OSBPL10: variants seen among roughly 807,000 people sequenced by gnomAD.
OSBPL10 encodes the protein oxysterol binding protein like 10.
A neutral mutation model predicts 81.7 loss-of-function variants in OSBPL10; 49 were observed. The ratio of observed to expected loss-of-function variants is 0.60; its 90% CI spans 0.48 to 0.76. OSBPL10 has a LOEUF of 0.76. Ranked by LOEUF, OSBPL10 falls within the 30% of genes least tolerant of loss-of-function variation. The probability of loss-of-function intolerance (pLI) is 0.00; values close to 1 mark genes in which losing one functional copy is unlikely to be tolerated. For missense variants in OSBPL10, 923 were observed against 987.8 expected (o/e 0.93, Z 0.88); for synonymous variants, 419 against 383.6 (o/e 1.09, Z -1.08).
intron 4 of OSBPL10, among the ~76,000 whole-genome samples, chr3:31,820,324 C>T (rs957087425): frequency 6.6e-6 from 1 of 152,006 alleles, no homozygotes; most frequent in African/African-American, 2.4e-5. Context: ...CAGCTGGGCA[C>T]GGTGGCTCAC....
intron 6 of OSBPL10, among the ~76,000 whole-genome samples, chr3:31,711,834 A>G (rs1424986384): frequency 6.6e-6 from 1 of 152,226 alleles, no homozygotes; most frequent in Non-Finnish European, 1.5e-5. Flanking sequence ...TACAATTTAA[A>G]TGGATAAATT....
chr3:31,953,065 G>A (rs1480932561), intron 1 of OSBPL10, among the ~76,000 whole-genome samples: 1 of 151,104 alleles, frequency 6.6e-6, no homozygotes, highest in Non-Finnish European at 1.5e-5. Context: ...CTGAGTAGCT[G>A]GGATTACAGG....
chr3:31,970,333 C>T (rs560174639), intron 1 of OSBPL10, among the ~76,000 whole-genome samples: 5 of 152,194 alleles, frequency 3.3e-5, no homozygotes, highest in Non-Finnish European at 5.9e-5. Context: ...GTCTCCATGG[C>T]CTTCATCCCA....
At chr3:32,072,032 C>T (rs1281067857) in intron 1 of OSBPL10, among the ~76,000 whole-genome samples, 1 of 152,150 alleles carries the variant, frequency 6.6e-6, no homozygotes, top group Non-Finnish European at 1.5e-5. Context: ...CCACTCTGCC[C>T]CCCTCTACTA....
At chr3:31,981,399 C>T, upstream of OSBPL10, 1 of 742,168 alleles carries the variant, frequency 1.3e-6, no homozygotes, top group Non-Finnish European at 1.8e-6. This position sits in a 1 kb window ranked among gnomAD's most constrained non-coding sequence, Gnocchi z 4.5. Context: ...CTCCTCCCGC[C>T]GCGGCCAGGG....
Position 31,738,131 on chromosome 3 carries a change from G to A in OSBPL10, c.941-4720C>T, listed in dbSNP as rs529603055. 6.6e-5 allele frequency among the ~76,000 whole-genome samples: 10 copies of A among 152,132 alleles called. No individual in the cohort carries two copies. The East Asian group carries it at 1.4e-3, about 21-fold the overall frequency. ...ATGTAAATATAAATACATGTCCTGG[G>A]CTGAACAGAGAACTGTGGGGGCTGC... is the stretch of plus-strand genomic sequence containing the variant. On this transcript the variant is annotated intron_variant, in intron 5 of 11. Transcript: ENST00000396556.
chr3:31,697,098 T>C (rs535051785), intron 7 of OSBPL10, among the ~76,000 whole-genome samples: 2 of 152,316 alleles, frequency 1.3e-5, no homozygotes, highest in East Asian at 1.9e-4. Flanking sequence ...CTTTAATCAA[T>C]AAAATAGAAG....
rs56846176 is a variant in OSBPL10 at position 31,783,111 on chromosome 3, TTATATATATATATATATATATA to T, written c.730-35013_730-34992del. Among the ~76,000 whole-genome samples, 709 of 121,676 alleles carry T rather than the reference TTATATATATATATATATATATA, an allele frequency of 5.8e-3. 11 individuals carry two copies. The highest frequency in any genetic ancestry group is 0.018 in the African/African-American group (491 of 27,312). 79.8% of individuals were successfully genotyped at this position (121,676 alleles called of 152,430 possible). ...GGATATATCTATATCAATATATCTA[TTATATATATATATATATATATA>T]TATATATATATATACACACACACCA... On this transcript the variant is annotated intron_variant, in intron 4 of 11. Transcript: ENST00000396556.
chr3:31,691,426 GA>G (rs1272950789), intron 7 of OSBPL10, among the ~76,000 whole-genome samples: 1 of 152,152 alleles, frequency 6.6e-6, no homozygotes, highest in Non-Finnish European at 1.5e-5. Context: ...TTTCTTCAAA[GA>G]AACATCAGTT....
chr3:31,815,990 G>A (rs574188987), intron 4 of OSBPL10, among the ~76,000 whole-genome samples: 2 of 152,130 alleles, frequency 1.3e-5, no homozygotes, highest in Non-Finnish European at 2.9e-5. Context: ...GCTTCCTTCT[G>A]CCTGCAAAGC....
chr3:31,933,996 T>C (rs2125725780), intron 1 of OSBPL10, among the ~76,000 whole-genome samples: 1 of 151,342 alleles, frequency 6.6e-6, no homozygotes, highest in East Asian at 1.9e-4. Flanking sequence ...AATGTACATC[T>C]GAGTCAATTC....
intron 2 of OSBPL10, among the ~76,000 whole-genome samples, chr3:31,999,242 C>T (rs1324306897): frequency 6.6e-6 from 1 of 152,206 alleles, no homozygotes; most frequent in Non-Finnish European, 1.5e-5. Context: ...GCCAGCTACT[C>T]CCCTAACCTG....
At chr3:31,688,892 C>A (rs937256133) in intron 7 of OSBPL10, among the ~76,000 whole-genome samples, 30 of 152,306 alleles carry the variant, frequency 2.0e-4, no homozygotes, top group African/African-American at 7.2e-4. Context: ...CGGTCTGCCC[C>A]ACACTCTTCT....
chr3:31,774,343 C>T (rs1698482776), intron 4 of OSBPL10, among the ~76,000 whole-genome samples: 1 of 151,966 alleles, frequency 6.6e-6, no homozygotes, highest in Admixed American at 6.6e-5. Context: ...AATAAATTGA[C>T]TTTAGAGGAG....
At chr3:32,067,237 G>T (rs1429219331) in intron 1 of OSBPL10, among the ~76,000 whole-genome samples, 2 of 151,754 alleles carry the variant, frequency 1.3e-5, no homozygotes, top group Admixed American at 6.6e-5. Flanking sequence ...TTGTAATTTT[G>T]TCTTTTGACA....
intron 4 of OSBPL10, among the ~76,000 whole-genome samples, chr3:31,807,306 T>G (rs755447971): frequency 1.3e-5 from 2 of 151,840 alleles, no homozygotes; most frequent in South Asian, 4.2e-4. Flanking sequence ...CCAGGAGGTG[T>G]AGGCTGCAGT....
At chr3:31,670,442 T>A (rs1165965169) in intron 9 of OSBPL10, among the ~76,000 whole-genome samples, 1 of 152,142 alleles carries the variant, frequency 6.6e-6, no homozygotes, top group Non-Finnish European at 1.5e-5. Flanking sequence ...CCAGCTAATG[T>A]GAAATGGGGA....
intron 5 of OSBPL10, among the ~76,000 whole-genome samples, chr3:31,740,433 C>T (rs1170451728): frequency 6.6e-6 from 1 of 151,746 alleles, no homozygotes; most frequent in Non-Finnish European, 1.5e-5. Flanking sequence ...CATACATTAT[C>T]TAAGTATTAT....
chr3:31,821,211 T>C (rs1049033379), intron 4 of OSBPL10, among the ~76,000 whole-genome samples: 9 of 152,014 alleles, frequency 5.9e-5, no homozygotes, highest in Non-Finnish European at 1.2e-4. Context: ...GGGGGACATA[T>C]CTCGGTGTTG....
Sources: gnomAD v4.1 joint callset for allele counts (sites outside exome capture counted in the v4.1 genomes callset) on GRCh38, gnomAD v4.1.1 for gene constraint, Gnocchi (gnomAD v3.1) non-coding constraint, MANE v1.5 for transcripts, NCBI Gene and HGNC (gene_info 2026-07-23, HGNC 2026-07-21) for gene names.